RAB40B: variants seen among roughly 807,000 people sequenced by gnomAD.
The protein encoded by RAB40B is RAB40B, member RAS oncogene family.
Under a neutral mutation model 24.0 loss-of-function variants are expected in RAB40B, and 21 were observed. That is an observed-to-expected ratio of 0.88 (90% CI 0.62 to 1.26). RAB40B has a LOEUF of 1.26. Ranked by LOEUF, RAB40B falls within the 50% of genes most tolerant of loss-of-function variation. The pLI is 0.00. For missense variants in RAB40B, 348 were observed against 390.5 expected, an observed-to-expected ratio of 0.89 and a Z score of 0.92; for synonymous variants, 167 against 169.8, an observed-to-expected ratio of 0.98 and a Z score of 0.13.
intron 4 of RAB40B, chr17:82,658,942 G>T: frequency 1.9e-6 from 1 of 522,788 alleles, no homozygotes; most frequent in Non-Finnish European, 3.4e-6. Context: ...GAGAAGAGAA[G>T]ACACAGACAC....
intron 1 of RAB40B, among the ~76,000 whole-genome samples, chr17:82,684,475 G>T (rs551659908): frequency 6.6e-6 from 1 of 152,132 alleles, no homozygotes; most frequent in Non-Finnish European, 1.5e-5. Flanking sequence ...GCACAAAAAC[G>T]AGTCATAAAC....
chr17:82,679,851 T>G (rs1157508189), intron 1 of RAB40B, among the ~76,000 whole-genome samples: 1 of 134,420 alleles, frequency 7.4e-6, no homozygotes, highest in South Asian at 2.3e-4. Flanking sequence ...CCAGAAGCAG[T>G]GTCCTGGAGC....
At chr17:82,672,524 C>A (rs1434528222) in intron 1 of RAB40B, among the ~76,000 whole-genome samples, 1 of 152,224 alleles carries the variant, frequency 6.6e-6, no homozygotes, top group African/African-American at 2.4e-5. Context: ...AAAGGTAAAC[C>A]TCCAGTTTGT....
At chr17:82,698,198 G>C (rs939214745) in intron 1 of RAB40B, among the ~76,000 whole-genome samples, 2 of 151,868 alleles carry the variant, frequency 1.3e-5, no homozygotes, top group African/African-American at 2.4e-5. Flanking sequence ...GAGTGGAACT[G>C]GGGGTGCAAC....
At chr17:82,662,013 C>T (rs1474265954) in intron 2 of RAB40B, 1 of 985,252 alleles carries the variant, frequency 1.0e-6, no homozygotes, top group African/African-American at 1.7e-5. Flanking sequence ...GCACATGCAA[C>T]GAACACACCT....
intron 1 of RAB40B, among the ~76,000 whole-genome samples, chr17:82,677,849 G>C (rs2046410436): frequency 6.6e-6 from 1 of 152,172 alleles, no homozygotes; most frequent in Non-Finnish European, 1.5e-5. Context: ...CCTGACCCGG[G>C]GCCTCTTCTC....
At chr17:82,671,571 C>A (rs1173237293) in intron 1 of RAB40B, among the ~76,000 whole-genome samples, 22 of 151,036 alleles carry the variant, frequency 1.5e-4, no homozygotes, top group East Asian at 7.8e-4. Flanking sequence ...ACACACCCCA[C>A]CCCTGTAACT....
chr17:82,677,010 A>G (rs1295454343), intron 1 of RAB40B, among the ~76,000 whole-genome samples: 1 of 149,952 alleles, frequency 6.7e-6, no homozygotes, highest in Non-Finnish European at 1.5e-5. Flanking sequence ...GTGCAGTGGC[A>G]CGATCTCGGC....
chr17:82,697,913 C>T lies in RAB40B; in HGVS notation c.142+542G>A, dbSNP rs1340194263. On this transcript the variant is annotated intron_variant, in intron 1 of 5. Coordinates refer to ENST00000571995, the MANE Select transcript of RAB40B (RefSeq NM_006822.3). This position sits in a 1 kb window ranked among gnomAD's most constrained non-coding sequence, Gnocchi z 4.9. ...CCCGGACACGCGGGACCCCTGGCCTCGGGACCGGACCCTGGTCTCCCCTCC... is the reference window on the plus strand; with the variant it reads ...CCCGGACACGCGGGACCCCTGGCCTTGGGACCGGACCCTGGTCTCCCCTCC... Among the ~76,000 whole-genome samples, 1 of 152,138 alleles carries T rather than the reference C, an allele frequency of 6.6e-6. No homozygotes were observed. The highest frequency in any genetic ancestry group is 2.4e-5 in the African/African-American group (1 of 41,440).
At chr17:82,685,252 G>A (rs1338094230) in intron 1 of RAB40B, among the ~76,000 whole-genome samples, 1 of 141,928 alleles carries the variant, frequency 7.0e-6, no homozygotes, top group Non-Finnish European at 1.6e-5. Context: ...GGGAGGGGGA[G>A]GGGGAAGTGG....
At chr17:82,681,284 G>A (rs907108265) in intron 1 of RAB40B, among the ~76,000 whole-genome samples, 1 of 151,838 alleles carries the variant, frequency 6.6e-6, no homozygotes, top group African/African-American at 2.4e-5. Context: ...GGCTCTCCTA[G>A]GGAACATAAC....
chr17:82,660,872 C>T lies in RAB40B; in HGVS notation c.264+115G>A, dbSNP rs564777295. The T allele has an allele frequency of 2.7e-4, 365 of 1,330,712 alleles. 3 individuals are homozygous for T. The South Asian group carries it at 4.7e-3, about 17-fold the overall frequency. 82.4% of individuals were successfully genotyped at this position (1,330,712 alleles called of 1,614,324 possible). On this transcript the variant is annotated intron_variant, in intron 3 of 5. Transcript: ENST00000571995. ...TTTAGACTCTCAGCACCAATTTATA[C>T]GTAAGCTTAACCGCCTTGTCCTCCA...
rs968994072 is a variant in RAB40B, at chr17:82,667,837, C to T, written c.143-3281G>A. On this transcript the variant is annotated intron_variant, in intron 1 of 5. Transcript: ENST00000571995. This position sits in a 1 kb window ranked among gnomAD's most constrained non-coding sequence, Gnocchi z 4.3. ...CAGAGCGGCCAAGCAGTCCCCTGACCCACCCAGTACGAGGCTTTCCTGAGC... is the reference window on the plus strand; with the variant it reads ...CAGAGCGGCCAAGCAGTCCCCTGACTCACCCAGTACGAGGCTTTCCTGAGC... 1.3e-5 allele frequency among the ~76,000 whole-genome samples: 2 copies of T among 152,308 alleles called. No individual in the cohort carries two copies. The highest frequency in any genetic ancestry group is 1.3e-4 in the Admixed American group (2 of 15,298).
intron 1 of RAB40B, among the ~76,000 whole-genome samples, chr17:82,670,825 G>A (rs1033800469): frequency 1.3e-5 from 2 of 151,940 alleles, no homozygotes; most frequent in Non-Finnish European, 2.9e-5. Context: ...GAGGTACCGC[G>A]CCCGGCTTCC....
chr17:82,698,406 C>T, intron 1 of RAB40B, 49 bp downstream of exon 1: 1 of 1,178,428 alleles, frequency 8.5e-7, no homozygotes, highest in Non-Finnish European at 1.1e-6. Flanking sequence ...CCCCGCGCCC[C>T]TCCCCGGCCC....
intron 1 of RAB40B, among the ~76,000 whole-genome samples, chr17:82,687,150 C>T (rs938191030): frequency 4.6e-5 from 7 of 151,962 alleles, no homozygotes; most frequent in Admixed American, 2.0e-4. Context: ...ACCAACACGA[C>T]GCAATTTGAA....
chr17:82,675,278 G>C lies in RAB40B; in HGVS notation c.143-10722C>G, dbSNP rs900550285. Among the ~76,000 whole-genome samples, 1 of 152,178 alleles carries C rather than the reference G, an allele frequency of 6.6e-6. No individual in the cohort carries two copies. Among genetic ancestry groups the C allele is most frequent in the African/African-American group, 2.4e-5 (1 of 41,434 alleles). On this transcript the variant is annotated intron_variant, in intron 1 of 5. Transcript: ENST00000571995. The surrounding 1 kb of genome is among the most constrained non-coding windows in gnomAD (Gnocchi z 4.5). ...AAAACTGGACTCAGTGTCTTCTTCA[G>C]CTGGCAGTTCCCATTAGCACAGCCC...
At chr17:82,689,922 G>C (rs150472881) in intron 1 of RAB40B, among the ~76,000 whole-genome samples, 1 of 149,384 alleles carries the variant, frequency 6.7e-6, no homozygotes, top group Non-Finnish European at 1.5e-5. Context: ...AACCGAGATC[G>C]TGCCACTGCA....
Position 82,697,645 on chromosome 17 carries a change from C to T in RAB40B, c.142+810G>A, listed in dbSNP as rs1421667361. Among the ~76,000 whole-genome samples the T allele has an allele frequency of 1.3e-5, 2 of 152,216 alleles. No homozygotes were observed. Among genetic ancestry groups the T allele is most frequent in the South Asian group, 4.1e-4 (2 of 4,834 alleles). On this transcript the variant is annotated intron_variant, in intron 1 of 5. Transcript: ENST00000571995. This position sits in a 1 kb window ranked among gnomAD's most constrained non-coding sequence, Gnocchi z 4.9. ...GCCCCGCCTGCTCCTCACTCCCAGC[C>T]GAGGTGTTCGCCTCTGCGCGTTCCC...
Sources: gnomAD v4.1 joint callset for allele counts (sites outside exome capture counted in the v4.1 genomes callset) on GRCh38, gnomAD v4.1.1 for gene constraint, Gnocchi (gnomAD v3.1) non-coding constraint, MANE v1.5 for transcripts, NCBI Gene and HGNC (gene_info 2026-07-23, HGNC 2026-07-21) for gene names.